The following ATP2A2 variants were observed in gnomAD, a reference collection of about 807,000 sequenced individuals.
ATP2A2 encodes ATPase sarcoplasmic/endoplasmic reticulum Ca2+ transporting 2, also known as sarcoplasmic/endoplasmic reticulum calcium ATPase 2.
A neutral mutation model predicts 109.3 loss-of-function variants in ATP2A2; 14 were observed. That is an observed-to-expected ratio of 0.13 (90% confidence interval 0.08 to 0.20). ATP2A2 has a LOEUF of 0.20. Ranked by LOEUF, ATP2A2 falls within the 10% of genes least tolerant of loss-of-function variation. ATP2A2 has a pLI of 1.00. For synonymous variants in ATP2A2, 506 were observed against 490.9 expected, an observed-to-expected ratio of 1.03 and a Z score of -0.41; for missense variants, 657 against 1,321.6, an observed-to-expected ratio of 0.50 and a Z score of 7.80.
At chr12:110,286,853 C>T (rs1025840721) in intron 3 of ATP2A2, among the ~76,000 whole-genome samples, 1 of 152,102 alleles carries the variant, frequency 6.6e-6, no homozygotes, top group Non-Finnish European at 1.5e-5. Context: ...TTTTATGATA[C>T]TAAGAGCTCT....
At chr12:110,325,479 C>A (rs758783396) in intron 6 of ATP2A2, among the ~76,000 whole-genome samples, 10 of 151,682 alleles carry the variant, frequency 6.6e-5, no homozygotes, top group Non-Finnish European at 1.2e-4. Flanking sequence ...ACTAAAAATA[C>A]AAAAATTAGC....
chr12:110,320,466 T>TTGAACTTGTCCTC (rs1420711540), intron 5 of ATP2A2, among the ~76,000 whole-genome samples: 1 of 152,238 alleles, frequency 6.6e-6, no homozygotes, highest in Non-Finnish European at 1.5e-5. Flanking sequence ...ATATTCATCA[T>TTGAACTTGTCCTC]TGAACTTGTC....
intron 4 of ATP2A2, among the ~76,000 whole-genome samples, chr12:110,293,870 ATTT>A (rs398021049): frequency 0.079 from 5,761 of 73,250 alleles, 270 homozygotes; most frequent in Middle Eastern, 0.13. Context: ...GTGTGTATAT[ATTT>A]TTTTTTTTTT....
chr12:110,300,939 T>C (rs765142198), intron 5 of ATP2A2, among the ~76,000 whole-genome samples: 4 of 152,144 alleles, frequency 2.6e-5, no homozygotes, highest in Non-Finnish European at 5.9e-5. Flanking sequence ...CACAAATATA[T>C]GTGGTGGGTG....
At chr12:110,291,604 A>G (rs978464980) in intron 3 of ATP2A2, among the ~76,000 whole-genome samples, 4 of 149,640 alleles carry the variant, frequency 2.7e-5, no homozygotes, top group Non-Finnish European at 5.9e-5. Context: ...GAAAGAAAAT[A>G]GATTTTGTCT....
At chr12:110,313,859 C>T (rs1286930834) in intron 5 of ATP2A2, among the ~76,000 whole-genome samples, 2 of 150,884 alleles carry the variant, frequency 1.3e-5, no homozygotes, top group Non-Finnish European at 3.0e-5. Context: ...TACAGGTGTG[C>T]ACCACCCCAC....
At chr12:110,300,184 C>CTT (rs1193882539) in intron 5 of ATP2A2, among the ~76,000 whole-genome samples, 2,829 of 74,242 alleles carry the variant, frequency 0.038, 140 homozygotes, top group African/African-American at 0.084. Context: ...CTCGCTCTCT[C>CTT]TTTTTTTTTT....
intron 3 of ATP2A2, among the ~76,000 whole-genome samples, chr12:110,290,375 G>A (rs942238572): frequency 6.6e-6 from 1 of 152,198 alleles, no homozygotes; most frequent in African/African-American, 2.4e-5. Context: ...ATTTAAGTCA[G>A]TGATCAAGTT....
chr12:110,341,249 T>C (rs1592861905), intron 14 of ATP2A2, among the ~76,000 whole-genome samples: 3 of 152,166 alleles, frequency 2.0e-5, no homozygotes, highest in African/African-American at 4.8e-5. Context: ...CTAGTCTCTT[T>C]TTTAAATGAG....
chr12:110,327,530 C>T lies in ATP2A2; in HGVS notation c.631-23C>T. 3.1e-6 allele frequency: 5 copies of T among 1,605,228 alleles called. No individual in the cohort carries two copies. The highest frequency in any genetic ancestry group is 3.4e-6 in the Non-Finnish European group (4 of 1,171,964). On this transcript the variant is annotated intron_variant, in intron 7 of 19. Transcript: ENST00000539276. This position sits in a 1 kb window ranked among gnomAD's most constrained non-coding sequence, Gnocchi z 4.4. ...TTGGGATGTGGTATTCATCTTGTGA[C>T]CAGTTCTCTACTTCTGTCCTAGGGT...
intron 5 of ATP2A2, among the ~76,000 whole-genome samples, chr12:110,300,116 T>TC (rs1874420070): frequency 3.9e-5 from 4 of 103,326 alleles, no homozygotes; most frequent in African/African-American, 1.3e-4. Context: ...CCTCCCCCTT[T>TC]CCCTCCCCTC....
chr12:110,296,279 G>T (rs909487283), intron 4 of ATP2A2: 3 of 363,676 alleles, frequency 8.2e-6, no homozygotes, highest in Non-Finnish European at 1.6e-5. Context: ...TCATGAGACA[G>T]AATTGATTTT....
In ATP2A2 at chr12:110,317,388, A is replaced by T. The variant is rs192500884; in HGVS notation, c.464-5604A>T. Among the ~76,000 whole-genome samples the T allele has an allele frequency of 4.9e-4, 75 of 151,620 alleles. 1 individual carries two copies. The highest frequency in any genetic ancestry group is 6.6e-4 in the Non-Finnish European group (45 of 67,870). ...AATTGATTAATAAAAAGGATTTTTTAAAAAAATAATGCTGATTTTTGGTTT... is the reference window on the plus strand; with the variant it reads ...AATTGATTAATAAAAAGGATTTTTTTAAAAAATAATGCTGATTTTTGGTTT... On this transcript the variant is annotated intron_variant, in intron 5 of 19. Coordinates refer to ENST00000539276, the MANE Select transcript of ATP2A2 (RefSeq NM_170665.4).
At chr12:110,324,919 T>C (rs760743335) in intron 6 of ATP2A2, among the ~76,000 whole-genome samples, 8 of 151,348 alleles carry the variant, frequency 5.3e-5, no homozygotes, top group Admixed American at 1.3e-4. Flanking sequence ...GGGGTTCAAG[T>C]AATTCTCATG....
At chr12:110,313,310 CTTTT>C (rs748790705) in intron 5 of ATP2A2, among the ~76,000 whole-genome samples, 6,702 of 113,098 alleles carry the variant, frequency 0.059, 515 homozygotes, top group African/African-American at 0.22. Context: ...ACCACCTTTC[CTTTT>C]TTTTTTTTTT....
chr12:110,301,922 C>T (rs1393699277), intron 5 of ATP2A2, among the ~76,000 whole-genome samples: 1 of 152,084 alleles, frequency 6.6e-6, no homozygotes, highest in Non-Finnish European at 1.5e-5. Context: ...TTAATTTGCT[C>T]AATGCACTGA....
At chr12:110,300,184 C>CTTTTT in intron 5 of ATP2A2, among the ~76,000 whole-genome samples, 1 of 74,278 alleles carries the variant, frequency 1.3e-5, no homozygotes, top group South Asian at 5.2e-4. Context: ...CTCGCTCTCT[C>CTTTTT]TTTTTTTTTT....
intron 5 of ATP2A2, among the ~76,000 whole-genome samples, chr12:110,314,631 A>G (rs1876465413): frequency 6.6e-6 from 1 of 152,210 alleles, no homozygotes; most frequent in Non-Finnish European, 1.5e-5. Flanking sequence ...ATCTATAAAC[A>G]GGGAGGGAGT....
At position 110,292,131 on chromosome 12, in the gene ATP2A2, A is replaced by G; in HGVS notation, c.324+7A>G. The G allele has an allele frequency of 6.2e-7, 1 of 1,603,952 alleles. No individual in the cohort carries two copies. The highest frequency in any genetic ancestry group is 8.5e-7 in the Non-Finnish European group (1 of 1,170,732). ...AATTGTGGGTGTATGGCAGGTAAGC[A>G]AAAATTCCTGTACTGCAAAATTTCA... On this transcript the variant is annotated splice_region_variant and intron_variant, in intron 4 of 19. Coordinates refer to ENST00000539276, the MANE Select transcript of ATP2A2 (RefSeq NM_170665.4).
Sources: gnomAD v4.1 joint callset for allele counts (sites outside exome capture counted in the v4.1 genomes callset) on GRCh38, gnomAD v4.1.1 for gene constraint, Gnocchi (gnomAD v3.1) non-coding constraint, MANE v1.5 for transcripts, NCBI Gene and HGNC (gene_info 2026-07-23, HGNC 2026-07-21) for gene names.